SYT1: variants seen among roughly 807,000 people sequenced by gnomAD.
The protein encoded by SYT1 is synaptotagmin-1.
Under a neutral mutation model 44.8 loss-of-function variants are expected in SYT1, and 8 were observed. The ratio of observed to expected loss-of-function variants is 0.18; its 90% CI spans 0.10 to 0.32. The LOEUF (loss-of-function observed/expected upper bound fraction) is 0.32, where lower values mean the gene tolerates loss of function less well. SYT1 is among the 10% of genes least tolerant of loss of function. SYT1 has a pLI of 1.00. For synonymous variants in SYT1, 154 were observed against 188.8 expected (o/e 0.82, Z 1.51); for missense variants, 286 against 509.3 (o/e 0.56, Z 4.22).
At chr12:79,205,126 G>T (rs1874040251) in intron 3 of SYT1, among the ~76,000 whole-genome samples, 1 of 151,802 alleles carries the variant, frequency 6.6e-6, no homozygotes, top group South Asian at 2.1e-4. Context: ...CACCACGACT[G>T]GCTAATTTTT....
intron 2 of SYT1, among the ~76,000 whole-genome samples, chr12:79,042,078 A>G (rs1418219872): frequency 6.7e-6 from 1 of 150,144 alleles, no homozygotes; most frequent in Non-Finnish European, 1.5e-5. Flanking sequence ...ATATTGGTCT[A>G]AAATTCTCTT....
intron 1 of SYT1, among the ~76,000 whole-genome samples, chr12:78,923,323 A>G (rs1293237021): frequency 6.6e-6 from 1 of 151,920 alleles, no homozygotes; most frequent in Non-Finnish European, 1.5e-5. Flanking sequence ...TTTAAGTTCT[A>G]TATCAAAGCT....
chr12:79,158,054 C>T (rs530994937), intron 3 of SYT1, among the ~76,000 whole-genome samples: 5 of 152,080 alleles, frequency 3.3e-5, no homozygotes, highest in African/African-American at 7.2e-5. Flanking sequence ...GGGGAATGAA[C>T]GGGGTGGTTT....
At chr12:79,203,622 C>A (rs1873926329) in intron 3 of SYT1, among the ~76,000 whole-genome samples, 1 of 151,660 alleles carries the variant, frequency 6.6e-6, no homozygotes, top group South Asian at 2.1e-4. Flanking sequence ...CAAAGCAGTA[C>A]TTGTCAGAAA....
At chr12:78,865,863 A>G (rs1873514391) in intron 1 of SYT1, among the ~76,000 whole-genome samples, 1 of 151,918 alleles carries the variant, frequency 6.6e-6, no homozygotes, top group South Asian at 2.1e-4. Context: ...GGGGCTAACA[A>G]TTTGGTATTG....
intron 9 of SYT1, among the ~76,000 whole-genome samples, chr12:79,436,330 C>A (rs897787856): frequency 6.6e-6 from 1 of 151,838 alleles, no homozygotes; most frequent in Non-Finnish European, 1.5e-5. Flanking sequence ...AGGAATAATA[C>A]CTGAAGATAC....
intron 9 of SYT1, among the ~76,000 whole-genome samples, chr12:79,423,632 T>G (rs994325965): frequency 1.3e-5 from 2 of 152,142 alleles, no homozygotes; most frequent in African/African-American, 4.8e-5. Flanking sequence ...AACTGTGGAA[T>G]AGTTCTAAGA....
intron 2 of SYT1, among the ~76,000 whole-genome samples, chr12:79,011,323 G>A (rs1871392009): frequency 6.6e-6 from 1 of 152,114 alleles, no homozygotes; most frequent in Admixed American, 6.5e-5. Context: ...TACCAGCTTA[G>A]AAGAAGGATA....
intron 1 of SYT1, among the ~76,000 whole-genome samples, chr12:78,918,438 T>C (rs1347139400): frequency 2.6e-5 from 4 of 152,050 alleles, no homozygotes; most frequent in East Asian, 1.9e-4. Flanking sequence ...AGTTGACTGA[T>C]TGAGGGAATT....
intron 4 of SYT1, among the ~76,000 whole-genome samples, chr12:79,241,269 T>G (rs1876494683): frequency 6.6e-6 from 1 of 152,194 alleles, no homozygotes; most frequent in South Asian, 2.1e-4. Flanking sequence ...CAACTTTTTT[T>G]TTTTTTAATT....
At position 79,210,672 on chromosome 12, in the gene SYT1, A is replaced by G. The variant is rs181174046; in HGVS notation, c.-17-6831A>G. Among the ~76,000 whole-genome samples, 133 of 152,322 alleles carry G rather than the reference A, an allele frequency of 8.7e-4. 1 individual carries two copies. Among genetic ancestry groups the G allele is most frequent in the Admixed American group, 2.8e-3 (43 of 15,288 alleles). ...ATTGATGGACATTTGGGTTGGTTCC[A>G]TGATTTTGCAATTGCGAATTGTGCT... On this transcript the variant is annotated intron_variant, in intron 3 of 10. Transcript: ENST00000261205.
At chr12:79,185,073 T>C (rs1039202816) in intron 3 of SYT1, among the ~76,000 whole-genome samples, 4 of 151,968 alleles carry the variant, frequency 2.6e-5, no homozygotes, top group Non-Finnish European at 5.9e-5. Context: ...CCACTATGAA[T>C]TGCCATCTTG....
intron 2 of SYT1, among the ~76,000 whole-genome samples, chr12:79,007,422 T>A (rs1871163774): frequency 6.6e-6 from 1 of 152,112 alleles, no homozygotes; most frequent in Non-Finnish European, 1.5e-5. Flanking sequence ...ATGTTTTATG[T>A]GATTATTGTA....
chr12:79,429,235 C>A lies in SYT1; in HGVS notation c.929-14838C>A, dbSNP rs150090616. 3.7e-3 allele frequency among the ~76,000 whole-genome samples: 562 copies of A among 152,248 alleles called. 1 individual carries two copies. The highest frequency in any genetic ancestry group is 0.012 in the African/African-American group (513 of 41,540). On this transcript the variant is annotated intron_variant, in intron 9 of 10. Coordinates refer to ENST00000261205, the MANE Select transcript of SYT1 (RefSeq NM_005639.3). ...TTTGTTTTTGTTTTTGAAACGGAGT[C>A]TCGCTCTGTTGCCCAGGCTGGAGTG... is the stretch of plus-strand genomic sequence containing the variant.
intron 4 of SYT1, among the ~76,000 whole-genome samples, chr12:79,267,215 G>A (rs1188323460): frequency 6.6e-6 from 1 of 152,180 alleles, no homozygotes; most frequent in Non-Finnish European, 1.5e-5. Flanking sequence ...CCCTTTAGCT[G>A]ATAATCTTTT....
intron 2 of SYT1, among the ~76,000 whole-genome samples, chr12:79,009,283 A>T (rs569964354): frequency 3.5e-4 from 54 of 152,166 alleles, no homozygotes; most frequent in Non-Finnish European, 6.3e-4. Flanking sequence ...CACCATTTAG[A>T]TAAAGAGCCC....
At chr12:79,339,540 T>A (rs1013143468) in intron 8 of SYT1, among the ~76,000 whole-genome samples, 1 of 152,226 alleles carries the variant, frequency 6.6e-6, no homozygotes, top group Non-Finnish European at 1.5e-5. Context: ...TGTAAATTTG[T>A]TTAAGTTCTT....
intron 4 of SYT1, among the ~76,000 whole-genome samples, chr12:79,264,331 C>T (rs1055214883): frequency 2.0e-5 from 3 of 151,784 alleles, no homozygotes; most frequent in African/African-American, 7.3e-5. Flanking sequence ...TGGCGCCCAC[C>T]ACCACACCTG....
chr12:79,316,570 A>T (rs762361679), intron 8 of SYT1, among the ~76,000 whole-genome samples: 2 of 152,140 alleles, frequency 1.3e-5, no homozygotes, highest in Non-Finnish European at 2.9e-5. Flanking sequence ...TCTATACAGG[A>T]ATGTGTTGTG....
Sources: allele counts gnomAD v4.1 joint callset (sites outside exome capture counted in the v4.1 genomes callset), GRCh38; gene constraint gnomAD v4.1.1; transcripts MANE v1.5; gene names NCBI Gene and HGNC (gene_info 2026-07-23, HGNC 2026-07-21).